The following PAK5 variants were observed in gnomAD, a reference collection of about 807,000 sequenced individuals.
PAK5 encodes p21 (RAC1) activated kinase 5, also known as serine/threonine-protein kinase PAK 5.
PAK5 carries 16 observed loss-of-function variants against 65.9 expected under a neutral mutation model. The observed-to-expected ratio is 0.24, with a 90% confidence interval of 0.16 to 0.37. The LOEUF is 0.37. Ranked by LOEUF, PAK5 falls within the 10% of genes least tolerant of loss-of-function variation. PAK5 has a pLI of 1.00. For synonymous variants in PAK5, 371 were observed against 354.9 expected (o/e 1.05, Z -0.51); for missense variants, 785 against 903.9 (o/e 0.87, Z 1.69).
rs375414382 is a variant in PAK5 at position 9,731,223 on chromosome 20, T to G, written c.-161-19788A>C. On this transcript the variant is annotated intron_variant, in intron 1 of 9. Coordinates refer to ENST00000353224, the MANE Select transcript of PAK5 (RefSeq NM_177990.4). Reference sequence around the variant, plus strand: ...TAATAGAACAATTTTATAATCACATTATAATCAAATGTGAGTCACAAATAT... The same window carrying G: ...TAATAGAACAATTTTATAATCACATGATAATCAAATGTGAGTCACAAATAT... Among the ~76,000 whole-genome samples the G allele has an allele frequency of 2.0e-5, 3 of 152,338 alleles. No homozygotes were observed. In the South Asian group the frequency reaches 6.2e-4, roughly 32 times the overall value.
chr20:9,666,480 A>C (rs73240994), intron 2 of PAK5, among the ~76,000 whole-genome samples: 4,392 of 152,086 alleles, frequency 0.029, 212 homozygotes, highest in African/African-American at 0.097. Flanking sequence ...AAACCACAAA[A>C]ACAAAAAGCA....
intron 7 of PAK5, among the ~76,000 whole-genome samples, chr20:9,548,359 G>GA (rs2045375640): frequency 6.6e-6 from 1 of 150,396 alleles, no homozygotes; most frequent in South Asian, 2.1e-4. Flanking sequence ...AGCCCACGTT[G>GA]ATCACTCTCT....
At chr20:9,629,018 A>G (rs1468311875) in intron 3 of PAK5, among the ~76,000 whole-genome samples, 1 of 152,126 alleles carries the variant, frequency 6.6e-6, no homozygotes, top group African/African-American at 2.4e-5. Flanking sequence ...CCTGTTCATC[A>G]ACAAACCAGG....
At chr20:9,578,018 T>C (rs949852810) in intron 4 of PAK5, among the ~76,000 whole-genome samples, 5 of 152,154 alleles carry the variant, frequency 3.3e-5, no homozygotes, top group Admixed American at 3.3e-4. Context: ...CGTTCTTCTG[T>C]CACTTAGACG....
At chr20:9,779,004 A>T (rs1248186451) in intron 1 of PAK5, among the ~76,000 whole-genome samples, 2 of 152,104 alleles carry the variant, frequency 1.3e-5, no homozygotes, top group Non-Finnish European at 1.5e-5. Flanking sequence ...TATTATGATG[A>T]TTATTTTTCC....
intron 2 of PAK5, among the ~76,000 whole-genome samples, chr20:9,660,446 A>C (rs890428809): frequency 1.3e-4 from 19 of 151,656 alleles, no homozygotes; most frequent in Non-Finnish European, 2.6e-4. Context: ...CGCAATAGGG[A>C]GGCAGACAAA....
At chr20:9,742,033 G>A (rs955131820) in intron 1 of PAK5, among the ~76,000 whole-genome samples, 1 of 152,046 alleles carries the variant, frequency 6.6e-6, no homozygotes, top group Non-Finnish European at 1.5e-5. Context: ...TGGTCCCAAG[G>A]TGAACAGATT....
chr20:9,767,167 T>A (rs2048778330), intron 1 of PAK5, among the ~76,000 whole-genome samples: 1 of 152,188 alleles, frequency 6.6e-6, no homozygotes, highest in African/African-American at 2.4e-5. Context: ...TCAGGCCACA[T>A]GCAGTTATGT....
intron 7 of PAK5, among the ~76,000 whole-genome samples, chr20:9,551,738 A>T (rs1370752903): frequency 6.6e-6 from 1 of 152,176 alleles, no homozygotes; most frequent in Non-Finnish European, 1.5e-5. Flanking sequence ...ATGTAGCATC[A>T]GCCTCACCTG....
chr20:9,642,226 G>T (rs905921651), intron 3 of PAK5, among the ~76,000 whole-genome samples: 1 of 152,156 alleles, frequency 6.6e-6, no homozygotes, highest in Non-Finnish European at 1.5e-5. Context: ...CTGAGGAATC[G>T]CCACACTGAC....
At chr20:9,621,331 A>G (rs1451910611) in intron 3 of PAK5, among the ~76,000 whole-genome samples, 1 of 151,560 alleles carries the variant, frequency 6.6e-6, no homozygotes, top group Admixed American at 6.6e-5. Context: ...CAAATAATAG[A>G]TGATAATTTC....
At chr20:9,766,438 ATATATATGTATATATATATT>A (rs1569079252) in intron 1 of PAK5, among the ~76,000 whole-genome samples, 1 of 41,974 alleles carries the variant, frequency 2.4e-5, no homozygotes, top group East Asian at 1.1e-3. Flanking sequence ...TTCAAGCAGA[ATATATATGTATATATATATT>A]CAAGCAGAAT....
At chr20:9,705,908 T>A (rs1471760565) in intron 2 of PAK5, among the ~76,000 whole-genome samples, 1 of 152,172 alleles carries the variant, frequency 6.6e-6, no homozygotes, top group African/African-American at 2.4e-5. Context: ...ATGCTAATAT[T>A]AGCCTGTTAA....
intron 3 of PAK5, among the ~76,000 whole-genome samples, chr20:9,584,399 G>A (rs1408009710): frequency 2.0e-5 from 3 of 152,064 alleles, no homozygotes; most frequent in South Asian, 2.1e-4. Context: ...TACAACCTCC[G>A]CCTCCCGGGT....
intron 2 of PAK5, among the ~76,000 whole-genome samples, chr20:9,691,913 A>C (rs1277229810): frequency 6.6e-6 from 1 of 152,208 alleles, no homozygotes; most frequent in Non-Finnish European, 1.5e-5. Context: ...TTTGACAGGC[A>C]ATCACAGCCC....
intron 3 of PAK5, among the ~76,000 whole-genome samples, chr20:9,586,153 T>C (rs2046065143): frequency 6.6e-6 from 1 of 152,172 alleles, no homozygotes; most frequent in Non-Finnish European, 1.5e-5. Context: ...GGAATTTATG[T>C]CCAAAAAACC....
chr20:9,544,381 A>C lies in PAK5; in HGVS notation c.1857T>G (p.Pro619=). The change falls in exon 8 of 10, where the codon CCT becomes CCG. Residue 619 remains proline (P), a synonymous_variant. Coordinates refer to ENST00000353224, the MANE Select transcript of PAK5 (RefSeq NM_177990.4). ...GTGACCCCCTTACCTCTGTCCCATA[A>C]GGTAGCCTAGAAATCACCTCAGGGG... is the stretch of plus-strand genomic sequence containing the variant. ...WMAPEVISRL[P]YGTEVDIWSL... 4 of 1,614,010 alleles carry C rather than the reference A, an allele frequency of 2.5e-6. No homozygotes were observed. Among genetic ancestry groups the C allele is most frequent in the Non-Finnish European group, 3.4e-6 (4 of 1,179,948 alleles).
At chr20:9,777,554 A>G (rs2048899196) in intron 1 of PAK5, among the ~76,000 whole-genome samples, 1 of 152,246 alleles carries the variant, frequency 6.6e-6, no homozygotes, top group African/African-American at 2.4e-5. Flanking sequence ...TCTTTCCTTT[A>G]TAAATTACCC....
At chr20:9,547,992 T>C (rs2045369695) in intron 7 of PAK5, among the ~76,000 whole-genome samples, 1 of 152,220 alleles carries the variant, frequency 6.6e-6, no homozygotes, top group South Asian at 2.1e-4. Flanking sequence ...CTCTTTAGCA[T>C]ACTGACAAAA....
Sources: gnomAD v4.1 joint callset for allele counts (sites outside exome capture counted in the v4.1 genomes callset) on GRCh38, gnomAD v4.1.1 for gene constraint, MANE v1.5 for transcripts, NCBI Gene and HGNC (gene_info 2026-07-23, HGNC 2026-07-21) for gene names.